Variants in PRKCE observed in about 807,000 individuals in gnomAD.
PRKCE encodes the protein protein kinase C epsilon, also known as protein kinase C epsilon type.
In PRKCE, 16 loss-of-function variants were observed where a neutral mutation model predicts 85.4. That is an observed-to-expected ratio of 0.19 (90% confidence interval 0.13 to 0.28). The LOEUF (loss-of-function observed/expected upper bound fraction) is 0.28, where lower values mean the gene tolerates loss of function less well. Among genes scored for constraint, PRKCE ranks in the 10% least tolerant of loss-of-function variants. The probability of loss-of-function intolerance (pLI) is 1.00; values close to 1 mark genes in which losing one functional copy is unlikely to be tolerated. For synonymous variants in PRKCE, 388 were observed against 371.5 expected (o/e 1.04, Z -0.51); for missense variants, 573 against 975.2 (o/e 0.59, Z 5.49).
chr2:45,661,523 G>GTTTTTTTTTTTTTTTTTTTTT (rs367628974), intron 1 of PRKCE, among the ~76,000 whole-genome samples: 3 of 96,656 alleles, frequency 3.1e-5, no homozygotes, highest in African/African-American at 1.2e-4. Context: ...TTTGTTTTTT[G>GTTTTTTTTTTTTTTTTTTTTT]TTTTTTGTTT....
intron 11 of PRKCE, among the ~76,000 whole-genome samples, chr2:46,121,842 AG>A (rs1673345029): frequency 6.6e-6 from 1 of 152,226 alleles, no homozygotes. Context: ...CATGGAGAAA[AG>A]ACAGCACTGT....
At chr2:46,179,862 A>G (rs904555920) in intron 14 of PRKCE, among the ~76,000 whole-genome samples, 5 of 151,986 alleles carry the variant, frequency 3.3e-5, no homozygotes, top group African/African-American at 1.2e-4. Flanking sequence ...CCCTGCCTCC[A>G]CTTCCCAAAA....
chr2:45,795,602 G>T (rs542401473), intron 1 of PRKCE, among the ~76,000 whole-genome samples: 2 of 152,112 alleles, frequency 1.3e-5, no homozygotes, highest in Non-Finnish European at 2.9e-5. Flanking sequence ...GAGCCACTGC[G>T]CCCGGCCTGA....
intron 1 of PRKCE, among the ~76,000 whole-genome samples, chr2:45,749,082 G>T (rs1181711342): frequency 1.3e-5 from 2 of 152,072 alleles, no homozygotes; most frequent in Non-Finnish European, 2.9e-5. Context: ...TAGAGACGGG[G>T]TTTCACCATA....
intron 4 of PRKCE, among the ~76,000 whole-genome samples, chr2:45,979,923 G>A (rs1333887424): frequency 6.6e-6 from 1 of 152,106 alleles, no homozygotes; most frequent in East Asian, 1.9e-4. Flanking sequence ...GCATGGTCCC[G>A]AGTGGGGTGC....
At position 46,139,309 on chromosome 2, in the gene PRKCE, G is replaced by T. The variant is rs1398233611; in HGVS notation, c.1593-5784G>T. On this transcript the variant is annotated intron_variant, in intron 11 of 14. Coordinates refer to ENST00000306156, the MANE Select transcript of PRKCE (RefSeq NM_005400.3). This position sits in a 1 kb window ranked among gnomAD's most constrained non-coding sequence, Gnocchi z 5.2. ...TGGAAAACTGTTACAAAAATAGAGG[G>T]TTCGGTATAATGGCAGGGCACAGAA... Among the ~76,000 whole-genome samples, 1 of 152,062 alleles carries T rather than the reference G, an allele frequency of 6.6e-6. No individual in the cohort carries two copies. The highest frequency in any genetic ancestry group is 2.4e-5 in the African/African-American group (1 of 41,392).
At chr2:45,767,648 A>G (rs1685016205) in intron 1 of PRKCE, among the ~76,000 whole-genome samples, 1 of 152,230 alleles carries the variant, frequency 6.6e-6, no homozygotes, top group Non-Finnish European at 1.5e-5. Context: ...AGTTTTATTA[A>G]GGATCAAAGG....
chr2:45,900,202 C>G (rs137879496), intron 2 of PRKCE, among the ~76,000 whole-genome samples: 1 of 152,172 alleles, frequency 6.6e-6, no homozygotes, highest in Non-Finnish European at 1.5e-5. Context: ...CTGTGGAAAA[C>G]GGCATGACAT....
At chr2:45,834,561 G>A (rs369081371) in intron 1 of PRKCE, among the ~76,000 whole-genome samples, 7 of 151,588 alleles carry the variant, frequency 4.6e-5, no homozygotes, top group African/African-American at 1.5e-4. Context: ...AGATAAGGAC[G>A]TATGTGCAGA....
rs78063121 is a variant in PRKCE at position 45,875,533 on chromosome 2, G to A, written c.412+32470G>A. On this transcript the variant is annotated intron_variant, in intron 2 of 14. Transcript: ENST00000306156. ...GGCAGAGACACCTTGCATGTATCAA[G>A]CCCTCTGGGCACTGATTTACACATA... 1.2e-4 allele frequency among the ~76,000 whole-genome samples: 18 copies of A among 152,330 alleles called. No homozygotes were observed. The East Asian group carries it at 3.5e-3, about 29-fold the overall frequency.
intron 1 of PRKCE, among the ~76,000 whole-genome samples, chr2:45,814,269 C>T (rs1364167428): frequency 6.6e-6 from 1 of 152,154 alleles, no homozygotes; most frequent in East Asian, 1.9e-4. Flanking sequence ...TCAGTGCAGC[C>T]CATCAAGAAT....
At chr2:46,023,725 G>T (rs1227456271) in intron 10 of PRKCE, among the ~76,000 whole-genome samples, 1 of 152,114 alleles carries the variant, frequency 6.6e-6, no homozygotes, top group African/African-American at 2.4e-5. Flanking sequence ...GAGGTTACCG[G>T]TTCCAGTGAA....
Position 45,907,763 on chromosome 2 carries a change from C to T in PRKCE, c.412+64700C>T, listed in dbSNP as rs951781491. Among the ~76,000 whole-genome samples, 2 of 152,222 alleles carry T rather than the reference C, an allele frequency of 1.3e-5. No individual in the cohort carries two copies. The highest frequency in any genetic ancestry group is 4.8e-5 in the African/African-American group (2 of 41,466). ...AGGGCGTGACTGAGCCAATGGCCACCTCTGGGTCTCTGCTGCCTCCTTCTG... is the reference window on the plus strand; with the variant it reads ...AGGGCGTGACTGAGCCAATGGCCACTTCTGGGTCTCTGCTGCCTCCTTCTG... On this transcript the variant is annotated intron_variant, in intron 2 of 14. Coordinates refer to ENST00000306156, the MANE Select transcript of PRKCE (RefSeq NM_005400.3). The surrounding 1 kb of genome is among the most constrained non-coding windows in gnomAD (Gnocchi z 4.5).
At chr2:46,109,116 A>C (rs1399513520) in intron 11 of PRKCE, among the ~76,000 whole-genome samples, 1 of 152,192 alleles carries the variant, frequency 6.6e-6, no homozygotes, top group Non-Finnish European at 1.5e-5. Context: ...GTAAGTCTCA[A>C]AATTGGTTAA....
chr2:45,778,411 T>G (rs968526174), intron 1 of PRKCE, among the ~76,000 whole-genome samples: 1 of 152,164 alleles, frequency 6.6e-6, no homozygotes, highest in Non-Finnish European at 1.5e-5. Flanking sequence ...GGGGAGATCC[T>G]CATTTCGACT....
At chr2:45,814,397 A>G (rs1021177850) in intron 1 of PRKCE, among the ~76,000 whole-genome samples, 1 of 152,200 alleles carries the variant, frequency 6.6e-6, no homozygotes, top group Non-Finnish European at 1.5e-5. Flanking sequence ...CCTGGAAGGC[A>G]GTGGTTTGCT....
chr2:46,001,543 A>G lies in PRKCE; in HGVS notation c.963A>G (p.Lys321=). Residue 321 remains lysine, a synonymous_variant, in exon 7 of 15, where the codon AAA becomes AAG. Transcript: ENST00000306156. This position sits in a 1 kb window ranked among gnomAD's most constrained non-coding sequence, Gnocchi z 4.4. The part of the protein sequence containing the change: ...DKITNSGQRR[K]KLIAGAESPQ... ...TCACCAACAGCGGCCAGAGAAGGAA[A>G]AAGGTAACTGGCTGTTTGGTGGTGT... The G allele has an allele frequency of 6.3e-7, 1 of 1,598,428 alleles. No individual in the cohort carries two copies. The highest frequency in any genetic ancestry group is 1.7e-5 in the Admixed American group (1 of 59,936).
At chr2:45,809,419 C>T (rs1688490903) in intron 1 of PRKCE, among the ~76,000 whole-genome samples, 1 of 151,948 alleles carries the variant, frequency 6.6e-6, no homozygotes, top group Non-Finnish European at 1.5e-5. Flanking sequence ...ATGATGTCTG[C>T]CAAGAACAGT....
intron 6 of PRKCE, among the ~76,000 whole-genome samples, chr2:45,987,593 G>C (rs1202520889): frequency 6.6e-6 from 1 of 151,066 alleles, no homozygotes; most frequent in Non-Finnish European, 1.5e-5. Flanking sequence ...AACACACATG[G>C]CCTCCCCCCA....
Sources: allele counts gnomAD v4.1 joint callset (sites outside exome capture counted in the v4.1 genomes callset), GRCh38; gene constraint gnomAD v4.1.1; non-coding constraint Gnocchi (gnomAD v3.1); transcripts MANE v1.5; gene names NCBI Gene and HGNC (gene_info 2026-07-23, HGNC 2026-07-21).